The following DLGAP2 variants were observed in gnomAD, a reference collection of about 807,000 sequenced individuals.
The protein encoded by DLGAP2 is disks large-associated protein 2.
Under a neutral mutation model 100.3 loss-of-function variants are expected in DLGAP2, and 26 were observed. That is an observed-to-expected ratio of 0.26 (90% CI 0.19 to 0.36). DLGAP2 has a LOEUF of 0.36. DLGAP2 is among the 10% of genes least tolerant of loss of function. The pLI is 1.00. For synonymous variants in DLGAP2, 886 were observed against 630.1 expected, an observed-to-expected ratio of 1.41 and a Z score of -6.08; for missense variants, 1,858 against 1,453.2, an observed-to-expected ratio of 1.28 and a Z score of -4.53.
chr8:997,630 T>C (rs1021554539), intron 2 of DLGAP2, among the ~76,000 whole-genome samples: 42 of 152,284 alleles, frequency 2.8e-4, no homozygotes, highest in African/African-American at 9.6e-4. Context: ...ACTTGAAAAA[T>C]GGAACTCATT....
At chr8:1,040,985 T>C (rs1213081596) in intron 2 of DLGAP2, among the ~76,000 whole-genome samples, 1 of 152,146 alleles carries the variant, frequency 6.6e-6, no homozygotes, top group Non-Finnish European at 1.5e-5. Context: ...AGAAACAACA[T>C]ACATAGGACA....
chr8:885,736 C>A (rs1020106482), intron 1 of DLGAP2, among the ~76,000 whole-genome samples: 2 of 152,128 alleles, frequency 1.3e-5, no homozygotes, highest in Non-Finnish European at 1.5e-5. Context: ...TTTGCTCATT[C>A]AATATGATAT....
chr8:1,423,801 T>C (rs116171785), intron 3 of DLGAP2, among the ~76,000 whole-genome samples: 2,178 of 152,308 alleles, frequency 0.014, 57 homozygotes, highest in African/African-American at 0.049. Flanking sequence ...TGCAAGCTTC[T>C]AGTTGTTACA....
intron 2 of DLGAP2, among the ~76,000 whole-genome samples, chr8:1,023,472 A>G (rs1364682364): frequency 6.6e-6 from 1 of 152,160 alleles, no homozygotes; most frequent in Non-Finnish European, 1.5e-5. Flanking sequence ...CGGGCACTGT[A>G]GTTGCACACC....
At chr8:977,560 A>C (rs1282347125) in intron 2 of DLGAP2, among the ~76,000 whole-genome samples, 2 of 152,240 alleles carry the variant, frequency 1.3e-5, no homozygotes, top group Non-Finnish European at 1.5e-5. Flanking sequence ...TTTTGAACTC[A>C]TGCCTCCTTG....
At chr8:1,683,340 C>A (rs891580487) in intron 12 of DLGAP2, among the ~76,000 whole-genome samples, 3 of 151,486 alleles carry the variant, frequency 2.0e-5, no homozygotes, top group Non-Finnish European at 3.0e-5. Flanking sequence ...AGGCAGAGAA[C>A]TGGGGAACAG....
At chr8:1,598,379 A>G (rs1295316001) in intron 6 of DLGAP2, among the ~76,000 whole-genome samples, 1 of 152,238 alleles carries the variant, frequency 6.6e-6, no homozygotes, top group Non-Finnish European at 1.5e-5. Context: ...CTGGCCTCAT[A>G]AAATGAGTTA....
At chr8:1,417,715 G>A (rs1308009649) in intron 3 of DLGAP2, among the ~76,000 whole-genome samples, 3 of 148,720 alleles carry the variant, frequency 2.0e-5, no homozygotes, top group African/African-American at 5.1e-5. Context: ...GCCTCACTCG[G>A]CGAGGCTCCA....
At chr8:811,504 T>C (rs1796369493) in intron 1 of DLGAP2, among the ~76,000 whole-genome samples, 1 of 145,926 alleles carries the variant, frequency 6.9e-6, no homozygotes, top group African/African-American at 2.6e-5. Context: ...CCTGCCGTGG[T>C]GAGAGGCCAC....
At chr8:979,551 A>G (rs1800269638) in intron 2 of DLGAP2, among the ~76,000 whole-genome samples, 1 of 152,196 alleles carries the variant, frequency 6.6e-6, no homozygotes, top group Non-Finnish European at 1.5e-5. Context: ...GCTGATTATC[A>G]CTGTGTGGGC....
At chr8:1,576,814 A>G (rs192180469) in intron 6 of DLGAP2, among the ~76,000 whole-genome samples, 36 of 152,284 alleles carry the variant, frequency 2.4e-4, no homozygotes, top group Non-Finnish European at 4.6e-4. Flanking sequence ...GTTCTGTTCC[A>G]TTGGTCTATA....
At chr8:1,355,996 T>C (rs907781445) in intron 3 of DLGAP2, among the ~76,000 whole-genome samples, 1 of 152,112 alleles carries the variant, frequency 6.6e-6, no homozygotes, top group Non-Finnish European at 1.5e-5. Flanking sequence ...TTTGGGTGTT[T>C]GTGTATTTCC....
chr8:1,104,949 C>A (rs934690092), intron 2 of DLGAP2: 4 of 152,208 alleles, frequency 2.6e-5, no homozygotes, highest in Non-Finnish European at 5.9e-5. Flanking sequence ...CTCGTGCTCG[C>A]CTACCTCGAC....
chr8:1,548,458 GAAAAAAAAAAAAA>G (rs773138776), intron 4 of DLGAP2, among the ~76,000 whole-genome samples, 155 bp from the exon 5 acceptor site: 1 of 41,584 alleles, frequency 2.4e-5, no homozygotes, highest in East Asian at 1.0e-3. Context: ...GACTGTCTCA[GAAAAAAAAAAAAA>G]AAAAAAAAAA....
At chr8:1,543,512 GACTCC>G (rs1801431090) in intron 4 of DLGAP2, among the ~76,000 whole-genome samples, 1 of 152,168 alleles carries the variant, frequency 6.6e-6, no homozygotes, top group Admixed American at 6.5e-5. Context: ...TGCATGTCTG[GACTCC>G]AGTTCAGTTC....
At chr8:1,553,120 G>C (rs552519136) in intron 5 of DLGAP2, among the ~76,000 whole-genome samples, 2 of 152,284 alleles carry the variant, frequency 1.3e-5, no homozygotes, top group Admixed American at 1.3e-4. Context: ...CAGATGGAGG[G>C]ACAGCGGGGC....
intron 2 of DLGAP2, among the ~76,000 whole-genome samples, chr8:910,850 A>G (rs1417870661): frequency 2.0e-5 from 3 of 151,990 alleles, no homozygotes; most frequent in East Asian, 1.9e-4. Flanking sequence ...AGCGGGCTAT[A>G]AAAAGGATCG....
intron 3 of DLGAP2, chr8:1,301,919 G>T (rs1269806107): frequency 6.6e-6 from 1 of 152,348 alleles, no homozygotes; most frequent in Admixed American, 6.5e-5. Flanking sequence ...GTCCCAGGGA[G>T]GGGGGAGGAA....
At chr8:1,630,905 AGGGTCTGGGCG>A (rs1797625362) in intron 7 of DLGAP2, among the ~76,000 whole-genome samples, 1 of 136,252 alleles carries the variant, frequency 7.3e-6, no homozygotes, top group Non-Finnish European at 1.5e-5. Context: ...GGGTGTCCCG[AGGGTCTGGGCG>A]GGAGGTCCGG....
Sources: gnomAD v4.1 joint callset for allele counts (sites outside exome capture counted in the v4.1 genomes callset) on GRCh38, gnomAD v4.1.1 for gene constraint, MANE v1.5 for transcripts, NCBI Gene and HGNC (gene_info 2026-07-23, HGNC 2026-07-21) for gene names.